The following AKAP19 variants were observed in gnomAD, a reference collection of about 807,000 sequenced individuals.
The protein encoded by AKAP19 is small A-kinase anchoring protein.
the AKAP19 span, among the ~76,000 whole-genome samples, chr2:190,177,513 C>G: frequency 6.6e-6 from 1 of 152,222 alleles, no homozygotes; most frequent in Non-Finnish European, 1.5e-5. This position sits in a 1 kb window ranked among gnomAD's most constrained non-coding sequence, Gnocchi z 4.6. Context: ...GCCACATCAT[C>G]TCACTGCTTA....
the AKAP19 span, among the ~76,000 whole-genome samples, chr2:189,883,634 A>G: frequency 6.6e-6 from 1 of 151,710 alleles, no homozygotes; most frequent in Non-Finnish European, 1.5e-5. Context: ...CTTTTAAACT[A>G]AAGCCGGGAG....
At chr2:190,050,898 G>C in the AKAP19 span, among the ~76,000 whole-genome samples, 3 of 152,138 alleles carry the variant, frequency 2.0e-5, no homozygotes, top group African/African-American at 7.2e-5. Flanking sequence ...TCAGACATTT[G>C]AGAACGGGGG....
the AKAP19 span, among the ~76,000 whole-genome samples, chr2:189,902,353 A>G: frequency 6.6e-6 from 1 of 151,934 alleles, no homozygotes; most frequent in African/African-American, 2.4e-5. Context: ...TCTTAAACTT[A>G]GAAATGTTTA....
At chr2:190,195,779 T>A in the AKAP19 span, among the ~76,000 whole-genome samples, 1 of 152,194 alleles carries the variant, frequency 6.6e-6, no homozygotes, top group East Asian at 1.9e-4. Context: ...ATCAATTATT[T>A]CTTTAACACA....
At chr2:189,948,000 A>G in the AKAP19 span, among the ~76,000 whole-genome samples, 2 of 152,166 alleles carry the variant, frequency 1.3e-5, no homozygotes, top group African/African-American at 4.8e-5. Flanking sequence ...TGCCAGTCTA[A>G]CTTGGTGGAA....
chr2:190,070,202 T>C, the AKAP19 span, among the ~76,000 whole-genome samples: 1 of 152,168 alleles, frequency 6.6e-6, no homozygotes, highest in Non-Finnish European at 1.5e-5. Context: ...GTATAGGAGT[T>C]TTAATGTCTA....
the AKAP19 span, among the ~76,000 whole-genome samples, chr2:189,919,284 C>T: frequency 5.3e-5 from 8 of 152,034 alleles, no homozygotes; most frequent in Admixed American, 4.6e-4. Flanking sequence ...TGTAGGGTTT[C>T]CTTTTGAGCA....
the AKAP19 span, among the ~76,000 whole-genome samples, chr2:189,989,636 A>G: frequency 1.3e-5 from 2 of 152,114 alleles, no homozygotes. Context: ...ACATTTCTAA[A>G]TGTATATTCT....
chr2:190,100,530 C>A, the AKAP19 span, among the ~76,000 whole-genome samples: 1 of 152,002 alleles, frequency 6.6e-6, no homozygotes, highest in Admixed American at 6.5e-5. Flanking sequence ...TACCATAAAA[C>A]AAATAACTAC....
chr2:190,098,862 T>G, the AKAP19 span, among the ~76,000 whole-genome samples: 1 of 152,214 alleles, frequency 6.6e-6, no homozygotes, highest in African/African-American at 2.4e-5. Context: ...TGATTCCCCT[T>G]GTACTTTTAT....
chr2:190,157,107 G>A, the AKAP19 span, among the ~76,000 whole-genome samples: 1 of 151,966 alleles, frequency 6.6e-6, no homozygotes, highest in Non-Finnish European at 1.5e-5. Context: ...CTTGAGCTAG[G>A]CCCTCTTTTG....
the AKAP19 span, among the ~76,000 whole-genome samples, chr2:190,017,799 G>C: frequency 6.6e-6 from 1 of 152,200 alleles, no homozygotes; most frequent in East Asian, 1.9e-4. Context: ...TTTTGATTCA[G>C]CTTAAAGAAT....
the AKAP19 span, chr2:190,062,722 G>C: frequency 2.3e-6 from 2 of 859,448 alleles, no homozygotes; most frequent in Non-Finnish European, 3.6e-6. Context: ...TGCCACACCA[G>C]TGAATCTTTT....
At chr2:189,888,485 A>G in the AKAP19 span, among the ~76,000 whole-genome samples, 11,929 of 152,206 alleles carry the variant, frequency 0.078, 783 homozygotes, top group African/African-American at 0.18. Context: ...AAGAAACTCA[A>G]TGGTAGCTTG....
the AKAP19 span, among the ~76,000 whole-genome samples, chr2:190,150,989 C>T: frequency 6.6e-6 from 1 of 152,060 alleles, no homozygotes; most frequent in African/African-American, 2.4e-5. Context: ...GTGAACTATT[C>T]ATTCATATTC....
chr2:189,948,601 C>T, the AKAP19 span, among the ~76,000 whole-genome samples: 101,141 of 152,024 alleles, frequency 0.67, 34,839 homozygotes, highest in South Asian at 0.79. Context: ...CCATGTCTGT[C>T]TATGTTACTA....
the AKAP19 span, among the ~76,000 whole-genome samples, chr2:190,153,946 C>T: frequency 6.6e-6 from 1 of 152,078 alleles, no homozygotes; most frequent in Non-Finnish European, 1.5e-5. Context: ...ATAGCATTAC[C>T]TACTCTCTAA....
the AKAP19 span, among the ~76,000 whole-genome samples, chr2:190,048,336 C>A: frequency 1.3e-5 from 2 of 152,158 alleles, no homozygotes; most frequent in African/African-American, 2.4e-5. Flanking sequence ...TCTCTTGAAG[C>A]CATTTGCTAT....
chr2:189,970,034 T>C, the AKAP19 span, among the ~76,000 whole-genome samples: 1 of 151,762 alleles, frequency 6.6e-6, no homozygotes, highest in Admixed American at 6.6e-5. Context: ...ACACGGCTAA[T>C]TTTTTGTACT....
Sources: allele counts gnomAD v4.1 joint callset (sites outside exome capture counted in the v4.1 genomes callset), GRCh38; gene constraint gnomAD v4.1.1; non-coding constraint Gnocchi (gnomAD v3.1); transcripts MANE v1.5; gene names NCBI Gene and HGNC (gene_info 2026-07-23, HGNC 2026-07-21).